Variants in TLE2 observed in about 807,000 individuals in gnomAD.
TLE2 encodes the protein transducin-like enhancer protein 2.
TLE2 carries 74 observed loss-of-function variants against 97.2 expected under a neutral mutation model. The ratio of observed to expected loss-of-function variants is 0.76; its 90% CI spans 0.63 to 0.92. The LOEUF (loss-of-function observed/expected upper bound fraction) is 0.92. Among genes scored for constraint, TLE2 ranks in the 40% least tolerant of loss-of-function variants. TLE2 has a pLI of 0.00. For synonymous variants in TLE2, 499 were observed against 432.1 expected, an observed-to-expected ratio of 1.15 and a Z score of -1.92; for missense variants, 1,038 against 1,008.7, an observed-to-expected ratio of 1.03 and a Z score of -0.39.
chr19:3,017,220 C>T (rs1415631307), intron 8 of TLE2, among the ~76,000 whole-genome samples: 1 of 140,944 alleles, frequency 7.1e-6, no homozygotes, highest in Non-Finnish European at 1.5e-5. Context: ...TCACTGCAAC[C>T]TCTGTCTCCC....
In TLE2 at chr19:3,019,523, A is replaced by G; in HGVS notation, c.370-60T>C. On this transcript the variant is annotated intron_variant, in intron 6 of 19. Transcript: ENST00000262953. This position sits in a 1 kb window ranked among gnomAD's most constrained non-coding sequence, Gnocchi z 5.1. ...GGGCGGCAGGAGCCCAGCGGTCCCC[A>G]GCCCAAGAGGTAGACACAGGGGATG... 6.8e-7 allele frequency: 1 copy of G among 1,481,148 alleles called. No homozygotes were observed. The highest frequency in any genetic ancestry group is 8.9e-7 in the Non-Finnish European group (1 of 1,117,708). 91.8% of individuals were successfully genotyped at this position (1,481,148 alleles called of 1,614,324 possible). A position where few individuals can be genotyped will look rare whatever the true frequency, so the allele number is the denominator to read the frequency against.
intron 5 of TLE2, among the ~76,000 whole-genome samples, chr19:3,021,987 C>T (rs746126542): frequency 1.3e-5 from 2 of 152,080 alleles, no homozygotes; most frequent in African/African-American, 2.4e-5. Context: ...GGGAGGATTA[C>T]GCTAGTCCAG....
intron 17 of TLE2, among the ~76,000 whole-genome samples, chr19:3,003,778 C>T (rs1161279328): frequency 6.6e-6 from 1 of 151,942 alleles, no homozygotes; most frequent in Non-Finnish European, 1.5e-5. Flanking sequence ...AATCATGACC[C>T]ACTGCAGCCT....
chr19:3,045,926 G>A (rs2090138171), upstream of TLE2: 1 of 301,242 alleles, frequency 3.3e-6, no homozygotes, highest in South Asian at 2.7e-5. Context: ...TTCCTTATCT[G>A]TAAAACAGAC....
Position 3,019,608 on chromosome 19 carries a change from C to A in TLE2, c.369+91G>T, listed in dbSNP as rs1733632603. The A allele has an allele frequency of 2.6e-6, 4 of 1,535,600 alleles. No homozygotes were observed. The highest frequency in any genetic ancestry group is 1.4e-5 in the African/African-American group (1 of 73,132). ...AGGACCACTGGAGCCAAGGCCCACA[C>A]ACCACCCCAGCTTTAACACCTCCTG... On this transcript the variant is annotated intron_variant, in intron 6 of 19. Coordinates refer to ENST00000262953, the MANE Select transcript of TLE2 (RefSeq NM_003260.5). The surrounding 1 kb of genome is among the most constrained non-coding windows in gnomAD (Gnocchi z 5.1).
rs116340452 is a variant in TLE2 at position 3,009,340 on chromosome 19, T to C, written c.1173+202A>G. On this transcript the variant is annotated intron_variant, in intron 13 of 19. Coordinates refer to ENST00000262953, the MANE Select transcript of TLE2 (RefSeq NM_003260.5). ...ATGCAGCTTAATCGCTGTTGCGTTTTTCCACAATCAGAAGTCTTGCTTTGT... is the reference window on the plus strand; with the variant it reads ...ATGCAGCTTAATCGCTGTTGCGTTTCTCCACAATCAGAAGTCTTGCTTTGT... Among the ~76,000 whole-genome samples, 1,298 of 152,314 alleles carry C rather than the reference T, an allele frequency of 8.5e-3. 20 individuals carry two copies. The highest frequency in any genetic ancestry group is 0.029 in the African/African-American group (1,210 of 41,572).
At chr19:3,006,363 A>T (rs1223570871) in intron 15 of TLE2, 57 bp downstream of exon 15, 4 of 1,574,404 alleles carry the variant, frequency 2.5e-6, no homozygotes, top group Non-Finnish European at 3.4e-6. Context: ...GCCCCATTGG[A>T]ACATAAGCCC....
At chr19:2,998,226 A>C (rs2089261198) in intron 19 of TLE2, among the ~76,000 whole-genome samples, 2 of 140,152 alleles carry the variant, frequency 1.4e-5, no homozygotes, top group Admixed American at 7.1e-5. Flanking sequence ...GCCCGCAACC[A>C]CGCCCGGCCA....
intron 8 of TLE2, 41 bp from the exon 9 acceptor site, chr19:3,015,801 C>A: frequency 3.4e-6 from 5 of 1,452,776 alleles, no homozygotes; most frequent in Non-Finnish European, 4.7e-6. Context: ...GGGTCAGGGC[C>A]CTGGGCTCCT....
At chr19:3,002,203 GAT>G (rs2089377370) in intron 18 of TLE2, 148 bp downstream of exon 18, 1 of 957,606 alleles carries the variant, frequency 1.0e-6, no homozygotes, top group Non-Finnish European at 1.5e-6. Context: ...CACCATTTGG[GAT>G]ATACTTGTAC....
At chr19:3,035,799 T>C (rs1047461073) in intron 1 of TLE2, among the ~76,000 whole-genome samples, 2 of 152,096 alleles carry the variant, frequency 1.3e-5, no homozygotes, top group Non-Finnish European at 2.9e-5. Context: ...AGCTCGGCGC[T>C]CCCGGCGGGG....
At chr19:3,002,169 T>C (rs1346118849) in intron 18 of TLE2, among the ~76,000 whole-genome samples, 184 bp downstream of exon 18, 1 of 152,144 alleles carries the variant, frequency 6.6e-6, no homozygotes, top group Non-Finnish European at 1.5e-5. Flanking sequence ...CATTATTTGG[T>C]TTTTAGTATA....
chr19:3,016,589 CA>C (rs10603560), intron 8 of TLE2, among the ~76,000 whole-genome samples: 78,795 of 106,598 alleles, frequency 0.74, 29,521 homozygotes, highest in East Asian at 0.91. Context: ...GACTCAGTCT[CA>C]AAAAAAAAAA....
Position 3,005,480 on chromosome 19 carries a change from A to G in TLE2, c.1853T>C (p.Leu618Pro), listed in dbSNP as rs751480953. 3 of 1,613,778 alleles carry G rather than the reference A, an allele frequency of 1.9e-6. No homozygotes were observed. The highest frequency in any genetic ancestry group is 1.7e-6 in the Non-Finnish European group (2 of 1,179,790). Residue 618 changes from leucine to proline, a missense_variant, in exon 17 of 20, where the codon CTG (leucine) becomes CCG (proline). Transcript: ENST00000262953. ...GLDNTVRCWD[L>P]REGRQLQQHD... Reference sequence around the variant, plus strand: ...CTGCTGCAGCTGGCGGCCCTCCCGCAGGTCCCAGCAGCGCACCGTGTTGTC... The same window carrying G: ...CTGCTGCAGCTGGCGGCCCTCCCGCGGGTCCCAGCAGCGCACCGTGTTGTC...
chr19:3,016,813 C>T (rs1419989240), intron 8 of TLE2, among the ~76,000 whole-genome samples: 1 of 151,958 alleles, frequency 6.6e-6, no homozygotes. Flanking sequence ...GAGTCTCGCT[C>T]TGTCGCCCAA....
intron 17 of TLE2, among the ~76,000 whole-genome samples, chr19:3,002,971 C>G (rs1332652339): frequency 6.6e-6 from 1 of 152,026 alleles, no homozygotes; most frequent in African/African-American, 2.4e-5. Context: ...AGTGCTGGGA[C>G]TACAGGTGTG....
Position 3,028,381 on chromosome 19 carries a change from G to A in TLE2, c.124C>T (p.Leu42Phe), listed in dbSNP as rs770660982. The A allele has an allele frequency of 6.2e-7, 1 of 1,604,742 alleles. No individual in the cohort carries two copies. Among genetic ancestry groups the A allele is most frequent in the Admixed American group, 1.7e-5 (1 of 58,760 alleles). ...GCCAGCTTCTCACATTCTAGCTTGA[G>A]GCTGAGAAGAAGAGAGAGGGCAAGG... ...FQFLQAQYHSLKLECEKLASE... is the reference protein window; with the variant it reads ...FQFLQAQYHSFKLECEKLASE... The change falls in exon 3 of 20, where the codon CTC becomes TTC. Residue 42 changes from leucine (L) to phenylalanine (F), a missense_variant and splice_region_variant. Transcript: ENST00000262953.
rs778444780 is a variant in TLE2, at chr19:3,009,547, G to A, written c.1168C>T (p.Pro390Ser). Residue 390 changes from proline to serine, a missense_variant, in exon 13 of 20, where the codon CCC becomes TCC. Physicochemically the swap from Pro to Ser is moderately conservative, Grantham distance 74 (BLOSUM62 -1). Coordinates refer to ENST00000262953, the MANE Select transcript of TLE2 (RefSeq NM_003260.5). ...VSSSVVYGRS[P>S]VMAFESHPHL... The stretch of plus-strand genomic sequence containing the variant: ...GCCCCCACCCAAGGACTCACCACGG[G>A]GGAGCGTCCGTACACCACAGAGCTG... 11 of 1,606,112 alleles carry A rather than the reference G, an allele frequency of 6.8e-6. No individual in the cohort carries two copies. Among genetic ancestry groups the A allele is most frequent in the African/African-American group, 2.7e-5 (2 of 74,694 alleles).
In TLE2 at chr19:2,997,830, A is replaced by G. The variant is rs1285110418; in HGVS notation, c.*18T>C. ...CCCTGGGAGTCTGGACTTCGGGTAC[A>G]GGAAGGGGGGTCATGTCTCAGTAGA... On this transcript the variant is annotated 3_prime_UTR_variant, in exon 20 of 20. Transcript: ENST00000262953. 7.0e-6 allele frequency: 11 copies of G among 1,572,662 alleles called. No individual in the cohort carries two copies. Among genetic ancestry groups the G allele is most frequent in the African/African-American group, 1.4e-5 (1 of 74,048 alleles).
Sources: gnomAD v4.1 joint callset for allele counts (sites outside exome capture counted in the v4.1 genomes callset) on GRCh38, gnomAD v4.1.1 for gene constraint, Gnocchi (gnomAD v3.1) non-coding constraint, MANE v1.5 for transcripts, NCBI Gene and HGNC (gene_info 2026-07-23, HGNC 2026-07-21) for gene names.